Variants in GPR137C observed in about 807,000 individuals in gnomAD.
GPR137C encodes integral membrane protein GPR137C.
A neutral mutation model predicts 43.4 loss-of-function variants in GPR137C; 27 were observed. The observed-to-expected ratio is 0.62, with a 90% CI of 0.46 to 0.86. The LOEUF (loss-of-function observed/expected upper bound fraction) is 0.86. GPR137C is among the 40% of genes least tolerant of loss of function. GPR137C has a pLI of 0.00. For missense variants in GPR137C, 522 were observed against 534.6 expected (o/e 0.98, Z 0.23); for synonymous variants, 285 against 226.9 (o/e 1.26, Z -2.30).
rs2039358509 is a variant in GPR137C, at chr14:52,636,825, T to C, written c.*1710T>C. 6.6e-6 allele frequency: 1 copy of C among 152,136 alleles called. No homozygotes were observed. The highest frequency in any genetic ancestry group is 6.6e-5 in the Admixed American group (1 of 15,250). 9.4% of individuals were successfully genotyped at this position (152,136 alleles called of 1,614,324 possible). A position where few individuals can be genotyped will look rare whatever the true frequency, so the allele number is the denominator to read the frequency against. ...CCAAATTATTTTAAAATGTATAGTATAAAAAGTTACCCGTGGTATTAAGTG... is the reference window on the plus strand; with the variant it reads ...CCAAATTATTTTAAAATGTATAGTACAAAAAGTTACCCGTGGTATTAAGTG... On this transcript the variant is annotated 3_prime_UTR_variant, in exon 7 of 7. Transcript: ENST00000321662.
intron 2 of GPR137C, 43 bp from the exon 3 acceptor site, chr14:52,600,067 TTTC>T: frequency 7.9e-7 from 1 of 1,265,654 alleles, no homozygotes. Flanking sequence ...TTAAATTTGA[TTTC>T]TTATTAGTTA....
At chr14:52,617,603 C>A (rs1254026829) in intron 3 of GPR137C, among the ~76,000 whole-genome samples, 2 of 152,088 alleles carry the variant, frequency 1.3e-5, no homozygotes, top group Non-Finnish European at 2.9e-5. Context: ...TGCTTGAACC[C>A]AGGAGGTGGA....
intron 3 of GPR137C, among the ~76,000 whole-genome samples, chr14:52,618,837 T>C (rs2039128360): frequency 6.6e-6 from 1 of 151,862 alleles, no homozygotes; most frequent in South Asian, 2.1e-4. Context: ...GTCCCCGAGA[T>C]AGCAAGTTGG....
intron 1 of GPR137C, among the ~76,000 whole-genome samples, chr14:52,581,520 A>C (rs1197487268): frequency 1.3e-5 from 2 of 151,102 alleles, no homozygotes; most frequent in Non-Finnish European, 2.9e-5. Flanking sequence ...TGGGCAACAG[A>C]GAGACTCCGT....
chr14:52,598,951 GTT>G (rs1406034537), intron 2 of GPR137C, among the ~76,000 whole-genome samples: 2 of 152,180 alleles, frequency 1.3e-5, no homozygotes, highest in Non-Finnish European at 2.9e-5. Context: ...ACACTAAGCA[GTT>G]TTGTTTGCTT....
chr14:52,619,422 A>G (rs1288228131), intron 3 of GPR137C, among the ~76,000 whole-genome samples: 1 of 152,130 alleles, frequency 6.6e-6, no homozygotes, highest in Non-Finnish European at 1.5e-5. Context: ...CTAATATTAT[A>G]ATTTCTCCCT....
rs994889072 is a variant in GPR137C at position 52,595,767 on chromosome 14, C to T, written c.445-2505C>T. Among the ~76,000 whole-genome samples the T allele has an allele frequency of 5.3e-5, 8 of 152,300 alleles. No homozygotes were observed. The East Asian group carries it at 5.8e-4, about 11-fold the overall frequency. ...CTTTCTTGCATTGGGTTAGAACATG[C>T]TCCTTTAGCTCGGAGAAGTTTGATT... is the stretch of plus-strand genomic sequence containing the variant. On this transcript the variant is annotated intron_variant, in intron 1 of 6. Coordinates refer to ENST00000321662, the MANE Select transcript of GPR137C (RefSeq NM_001099652.2).
At chr14:52,610,803 A>C (rs574805501) in intron 3 of GPR137C, among the ~76,000 whole-genome samples, 1 of 152,240 alleles carries the variant, frequency 6.6e-6, no homozygotes, top group Non-Finnish European at 1.5e-5. Context: ...TATCAAGAGC[A>C]AATTGAACCA....
intron 1 of GPR137C, among the ~76,000 whole-genome samples, chr14:52,575,671 A>G (rs1371190166): frequency 6.6e-6 from 1 of 152,220 alleles, no homozygotes; most frequent in African/African-American, 2.4e-5. Context: ...GAATTAAGCT[A>G]TACCATCTAA....
intron 3 of GPR137C, among the ~76,000 whole-genome samples, chr14:52,629,951 G>A (rs1042380822): frequency 9.2e-5 from 14 of 152,212 alleles, no homozygotes; most frequent in East Asian, 1.9e-4. Context: ...GTCAGAGACC[G>A]GGAAAGGAAA....
intron 1 of GPR137C, among the ~76,000 whole-genome samples, chr14:52,573,600 G>A (rs1316603212): frequency 2.0e-5 from 3 of 152,076 alleles, no homozygotes; most frequent in African/African-American, 7.2e-5. Flanking sequence ...TTAAACGTAA[G>A]ACCTAAAACC....
At chr14:52,572,443 A>T (rs1216552448) in intron 1 of GPR137C, among the ~76,000 whole-genome samples, 1 of 152,246 alleles carries the variant, frequency 6.6e-6, no homozygotes, top group African/African-American at 2.4e-5. Context: ...CTGGTTCAAC[A>T]TATGCAAATC....
At chr14:52,569,921 CT>C (rs1433200161) in intron 1 of GPR137C, among the ~76,000 whole-genome samples, 1 of 152,118 alleles carries the variant, frequency 6.6e-6, no homozygotes, top group Non-Finnish European at 1.5e-5. Flanking sequence ...GGAAAACACT[CT>C]TCAGGATATT....
intron 3 of GPR137C, among the ~76,000 whole-genome samples, chr14:52,610,518 A>G (rs908148031): frequency 6.6e-6 from 1 of 152,138 alleles, no homozygotes; most frequent in African/African-American, 2.4e-5. Context: ...ATTTATTACT[A>G]TTTTGTTAAT....
chr14:52,602,905 C>G (rs1306051817), intron 3 of GPR137C, among the ~76,000 whole-genome samples: 1 of 151,638 alleles, frequency 6.6e-6, no homozygotes, highest in Non-Finnish European at 1.5e-5. Context: ...ATGTAATAAT[C>G]AAATCAGGGT....
At position 52,633,956 on chromosome 14, in the gene GPR137C, A is replaced by G. The variant is rs753838054; in HGVS notation, c.1112+10A>G. 1.4e-6 allele frequency: 2 copies of G among 1,447,644 alleles called. No homozygotes were observed. Among genetic ancestry groups the G allele is most frequent in the Non-Finnish European group, 1.9e-6 (2 of 1,029,222 alleles). 89.7% of individuals were successfully genotyped at this position (1,447,644 alleles called of 1,614,324 possible). A position where few individuals can be genotyped will look rare whatever the true frequency, so the allele number is the denominator to read the frequency against. ...GTTCAAGAGAAGGAAGGTAGATGTA[A>G]CAAAGCCACTTAGCCTGAATTACTA... On this transcript the variant is annotated intron_variant, in intron 6 of 6. Transcript: ENST00000321662.
At chr14:52,561,455 T>C (rs1469192762) in intron 1 of GPR137C, among the ~76,000 whole-genome samples, 1 of 152,102 alleles carries the variant, frequency 6.6e-6, no homozygotes. Context: ...ACAAAACTTA[T>C]GGAGAAAAAT....
intron 3 of GPR137C, among the ~76,000 whole-genome samples, chr14:52,615,771 G>C (rs2039091906): frequency 6.6e-6 from 1 of 152,104 alleles, no homozygotes; most frequent in Non-Finnish European, 1.5e-5. Context: ...ATTGTTGACT[G>C]TTGGCATGTA....
At chr14:52,565,469 A>G (rs1594781281) in intron 1 of GPR137C, among the ~76,000 whole-genome samples, 1 of 152,198 alleles carries the variant, frequency 6.6e-6, no homozygotes, top group African/African-American at 2.4e-5. Context: ...AGAAAGTACC[A>G]TATTATCTTT....
Sources: allele counts gnomAD v4.1 joint callset (sites outside exome capture counted in the v4.1 genomes callset), GRCh38; gene constraint gnomAD v4.1.1; transcripts MANE v1.5; gene names NCBI Gene and HGNC (gene_info 2026-07-23, HGNC 2026-07-21).